SAMHD1: variants seen among roughly 807,000 people sequenced by gnomAD.
SAMHD1 encodes deoxynucleoside triphosphate triphosphohydrolase SAMHD1.
Under a neutral mutation model 79.6 loss-of-function variants are expected in SAMHD1, and 54 were observed. The ratio of observed to expected loss-of-function variants is 0.68; its 90% CI spans 0.55 to 0.85. SAMHD1 has a LOEUF of 0.85. SAMHD1 is among the 40% of genes least tolerant of loss of function. SAMHD1 has a pLI of 0.00. For synonymous variants in SAMHD1, 260 were observed against 264.1 expected, an observed-to-expected ratio of 0.98 and a Z score of 0.15; for missense variants, 663 against 782.7, an observed-to-expected ratio of 0.85 and a Z score of 1.82.
At chr20:36,900,568 T>C (rs561446312) in intron 13 of SAMHD1, among the ~76,000 whole-genome samples, 3 of 147,594 alleles carry the variant, frequency 2.0e-5, no homozygotes, top group South Asian at 4.3e-4. Context: ...ATCTATTACA[T>C]AGTTTTTTTG....
At chr20:36,894,392 A>G (rs1398027100) in intron 15 of SAMHD1, among the ~76,000 whole-genome samples, 3 of 151,288 alleles carry the variant, frequency 2.0e-5, no homozygotes, top group Non-Finnish European at 4.4e-5. Flanking sequence ...GTGCATCACC[A>G]TGGCTAATTT....
rs185596435 is a variant in SAMHD1, at chr20:36,891,724, G to C, written c.*1208C>G. 47 of 152,512 alleles carry C rather than the reference G, an allele frequency of 3.1e-4. No individual in the cohort carries two copies. The highest frequency in any genetic ancestry group is 1.1e-3 in the African/African-American group (47 of 41,552). The allele number at this position is 152,512 out of a possible 1,614,324, so 9.4% of individuals were successfully genotyped here. A position where few individuals can be genotyped will look rare whatever the true frequency, so the allele number is the denominator to read the frequency against. On this transcript the variant is annotated 3_prime_UTR_variant, in exon 16 of 16. Transcript: ENST00000646673. Reference sequence around the variant, plus strand: ...TTTTTTGGAGATGGAGTCTCACTCTGTCACCCAGGCTGGAGTGCAATGGCG... The same window carrying C: ...TTTTTTGGAGATGGAGTCTCACTCTCTCACCCAGGCTGGAGTGCAATGGCG...
intron 8 of SAMHD1, 52 bp from the exon 9 acceptor site, chr20:36,916,882 C>T (rs768087264): frequency 2.7e-5 from 42 of 1,576,436 alleles, no homozygotes; most frequent in Non-Finnish European, 3.5e-5. Flanking sequence ...GGAAGCTGTA[C>T]CTTAAATAGT....
At chr20:36,927,576 C>G (rs1188582503) in intron 5 of SAMHD1, among the ~76,000 whole-genome samples, 4 of 152,108 alleles carry the variant, frequency 2.6e-5, no homozygotes, top group South Asian at 2.1e-4. Flanking sequence ...CTCAGCCTCC[C>G]AAAGTGCTGG....
Position 36,904,195 on chromosome 20 carries a change from G to A in SAMHD1, c.1465C>T (p.Leu489=), listed in dbSNP as rs750079246. 3.8e-5 allele frequency: 62 copies of A among 1,613,560 alleles called. No individual in the cohort carries two copies. The highest frequency in any genetic ancestry group is 5.5e-5 in the South Asian group (5 of 91,076). Residue 489 remains leucine, a synonymous_variant, in exon 13 of 16, where the codon CTA becomes TTA. Transcript: ENST00000646673. ...EVASAKPKVL[L]DVKLKAEDFI... ...TCTTCAGCCTTCAGTTTCACGTCTA[G>A]CAATACTTTGGGTTTAGCACTGGCA...
rs191417567 is a variant in SAMHD1, at chr20:36,931,354, G to A, written c.510-479C>T. Among the ~76,000 whole-genome samples the A allele has an allele frequency of 3.3e-5, 5 of 152,312 alleles. No homozygotes were observed. The East Asian group carries it at 9.6e-4, about 29-fold the overall frequency. ...AACGAAAGTAGGTCTTGAAAAGATT[G>A]GCTGGGCTCAGGGGCTCACGCCTGT... On this transcript the variant is annotated intron_variant, in intron 4 of 15. Transcript: ENST00000646673.
chr20:36,941,877 A>G (rs953829773), intron 2 of SAMHD1, among the ~76,000 whole-genome samples: 1 of 152,202 alleles, frequency 6.6e-6, no homozygotes, highest in East Asian at 1.9e-4. Context: ...ACACAGAAGC[A>G]TTATTACAGC....
chr20:36,897,825 C>T lies in SAMHD1; in HGVS notation c.1743G>A (p.Pro581=), dbSNP rs374642075. The T allele has an allele frequency of 7.5e-5, 121 of 1,614,166 alleles. No homozygotes were observed. Among genetic ancestry groups the T allele is most frequent in the Middle Eastern group, 4.9e-4 (3 of 6,062 alleles). ...TTGTGAGTAACAGGCCACCTACCTG[C>T]GGCTTGGTGAAATTTCTGTCTGCAC... ...QWCADRNFTK[P]QDGDVIAPLI... The change falls in exon 15 of 16, where the codon CCG becomes CCA. Residue 581 remains proline (P), a synonymous_variant. Coordinates refer to ENST00000646673, the MANE Select transcript of SAMHD1 (RefSeq NM_015474.4).
intron 5 of SAMHD1, 62 bp downstream of exon 5, chr20:36,930,698 T>A (rs948847919): frequency 1.2e-5 from 13 of 1,125,996 alleles, no homozygotes; most frequent in Non-Finnish European, 1.8e-5. Context: ...TTTTTTAACG[T>A]CAAAGAGAGG....
chr20:36,900,535 C>T (rs1426401100), intron 13 of SAMHD1, among the ~76,000 whole-genome samples: 1 of 151,500 alleles, frequency 6.6e-6, no homozygotes, highest in Non-Finnish European at 1.5e-5. Context: ...CATGAGCCAC[C>T]GGGGCCGGCC....
At chr20:36,927,342 A>C in intron 5 of SAMHD1, 90 bp from the exon 6 acceptor site, 1 of 1,003,722 alleles carries the variant, frequency 1.0e-6, no homozygotes, top group African/African-American at 1.9e-5. Context: ...TTTGAGACGG[A>C]GTTTCGCTCT....
intron 9 of SAMHD1, among the ~76,000 whole-genome samples, chr20:36,912,892 T>TG (rs1436802392): frequency 4.0e-5 from 5 of 126,046 alleles, no homozygotes; most frequent in African/African-American, 1.7e-4. Flanking sequence ...ATTCTTTGTT[T>TG]TTTTTTTTTT....
At chr20:36,897,566 C>G in intron 15 of SAMHD1, 1 of 529,122 alleles carries the variant, frequency 1.9e-6, no homozygotes, top group South Asian at 2.1e-5. Flanking sequence ...CATTAGAAAG[C>G]ATTATTTACA....
intron 11 of SAMHD1, among the ~76,000 whole-genome samples, chr20:36,905,994 G>A (rs2063403258): frequency 6.6e-6 from 1 of 151,920 alleles, no homozygotes; most frequent in Non-Finnish European, 1.5e-5. Context: ...AAAAGTTCCT[G>A]TCAATGTCTT....
chr20:36,902,241 G>A (rs1200159745), intron 13 of SAMHD1, among the ~76,000 whole-genome samples: 3 of 152,134 alleles, frequency 2.0e-5, no homozygotes, highest in Non-Finnish European at 4.4e-5. Flanking sequence ...GAGAGCAGTG[G>A]CATGATCTTG....
chr20:36,928,214 CCT>C (rs1173188376), intron 5 of SAMHD1, among the ~76,000 whole-genome samples: 1 of 150,440 alleles, frequency 6.6e-6, no homozygotes, highest in African/African-American at 2.4e-5. Context: ...TGGTAAAAAC[CCT>C]GTCTCTACTA....
At chr20:36,925,070 C>T (rs756566942) in intron 6 of SAMHD1, among the ~76,000 whole-genome samples, 6 of 150,872 alleles carry the variant, frequency 4.0e-5, no homozygotes, top group Non-Finnish European at 7.4e-5. Flanking sequence ...GCAGGAGACT[C>T]GCTTGAACCC....
intron 1 of SAMHD1, among the ~76,000 whole-genome samples, chr20:36,951,217 G>A (rs1379933700): frequency 1.3e-5 from 2 of 152,160 alleles, no homozygotes; most frequent in African/African-American, 2.4e-5. Flanking sequence ...GGAGCCCCAT[G>A]CCGCAGGCCC....
chr20:36,940,030 C>G (rs767497228), intron 3 of SAMHD1: 1 of 151,924 alleles, frequency 6.6e-6, no homozygotes, highest in Non-Finnish European at 1.5e-5. Flanking sequence ...CATGATGAAA[C>G]CCCAACTCTA....
Sources: gnomAD v4.1 joint callset for allele counts (sites outside exome capture counted in the v4.1 genomes callset) on GRCh38, gnomAD v4.1.1 for gene constraint, MANE v1.5 for transcripts, NCBI Gene and HGNC (gene_info 2026-07-23, HGNC 2026-07-21) for gene names.